Variants in CCDC81 observed in about 807,000 individuals in gnomAD.
The protein encoded by CCDC81 is coiled-coil domain containing 81.
Under a neutral mutation model 83.7 loss-of-function variants are expected in CCDC81, and 79 were observed. That is an observed-to-expected ratio of 0.94 (90% CI 0.79 to 1.14). CCDC81 has a LOEUF of 1.14. Ranked by LOEUF, CCDC81 falls within the 50% of genes most tolerant of loss-of-function variation. CCDC81 has a pLI of 0.00. For synonymous variants in CCDC81, 252 were observed against 278.1 expected, an observed-to-expected ratio of 0.91 and a Z score of 0.93; for missense variants, 791 against 778.1, an observed-to-expected ratio of 1.02 and a Z score of -0.20.
At chr11:86,388,607 T>C (rs1223892717) in intron 3 of CCDC81, among the ~76,000 whole-genome samples, 1 of 152,216 alleles carries the variant, frequency 6.6e-6, no homozygotes, top group Non-Finnish European at 1.5e-5. Flanking sequence ...AATGATATAT[T>C]AGAAAAACAA....
chr11:86,382,622 G>C (rs1948190836), intron 1 of CCDC81, among the ~76,000 whole-genome samples: 1 of 152,046 alleles, frequency 6.6e-6, no homozygotes, highest in Non-Finnish European at 1.5e-5. Flanking sequence ...AAGGAGTCTG[G>C]GTCTGTAAAT....
rs927542073 is a variant in CCDC81 at position 86,395,319 on chromosome 11, G to A, written c.556-15G>A. On this transcript the variant is annotated splice_polypyrimidine_tract_variant and intron_variant, in intron 4 of 14. Coordinates refer to ENST00000445632, the MANE Select transcript of CCDC81 (RefSeq NM_001156474.2). ...CTCAGCCTAGATGTAACCTTGCTCT[G>A]TTGCTGTCCTCTAGAGGCCTGGCAC... The A allele has an allele frequency of 6.2e-7, 1 of 1,612,538 alleles. No individual in the cohort carries two copies. The highest frequency in any genetic ancestry group is 1.7e-5 in the Admixed American group (1 of 59,938).
chr11:86,388,974 A>G (rs535812074), intron 3 of CCDC81, among the ~76,000 whole-genome samples: 1 of 152,302 alleles, frequency 6.6e-6, no homozygotes, highest in South Asian at 2.1e-4. Context: ...TGACTGAATT[A>G]GTTCAAAAGA....
At chr11:86,393,983 A>C (rs1022702331) in intron 4 of CCDC81, among the ~76,000 whole-genome samples, 31 of 152,192 alleles carry the variant, frequency 2.0e-4, no homozygotes, top group Non-Finnish European at 4.1e-4. Flanking sequence ...GGATTTAGGA[A>C]ATGAAGTTGT....
intron 10 of CCDC81, among the ~76,000 whole-genome samples, chr11:86,411,657 C>G (rs1473039459): frequency 6.6e-6 from 1 of 152,180 alleles, no homozygotes; most frequent in Non-Finnish European, 1.5e-5. Context: ...CTTCTTCCTT[C>G]CATCTGGATG....
At chr11:86,419,809 T>C in intron 13 of CCDC81, 119 bp from the exon 14 acceptor site, 1 of 1,020,560 alleles carries the variant, frequency 9.8e-7, no homozygotes, top group Non-Finnish European at 1.4e-6. Context: ...TTTAGTATAT[T>C]TCAGAGTAGT....
intron 3 of CCDC81, among the ~76,000 whole-genome samples, chr11:86,389,378 C>T (rs7115094): frequency 0.048 from 7,377 of 152,226 alleles, 437 homozygotes; most frequent in East Asian, 0.14. Context: ...AGTCTGTTCT[C>T]ACACTGTTAT....
intron 13 of CCDC81, 63 bp from the exon 14 acceptor site, chr11:86,419,865 G>C: frequency 6.6e-7 from 1 of 1,516,230 alleles, no homozygotes; most frequent in Non-Finnish European, 8.8e-7. Flanking sequence ...AAGGAATGGG[G>C]CTCCCAAATT....
At chr11:86,386,789 C>T (rs535158196) in intron 2 of CCDC81, among the ~76,000 whole-genome samples, 1 of 152,248 alleles carries the variant, frequency 6.6e-6, no homozygotes, top group South Asian at 2.1e-4. Context: ...TTTTTCCCTC[C>T]CTTTCATTGA....
chr11:86,395,617 T>A (rs1159085475), intron 5 of CCDC81, among the ~76,000 whole-genome samples: 2 of 152,224 alleles, frequency 1.3e-5, no homozygotes, highest in Non-Finnish European at 2.9e-5. Flanking sequence ...TGGACATTTA[T>A]TCTTTTTTAT....
At chr11:86,375,264 G>A (rs1419546736) in intron 1 of CCDC81, 22 bp downstream of exon 1, 1 of 1,593,556 alleles carries the variant, frequency 6.3e-7, no homozygotes, top group African/African-American at 1.3e-5. Context: ...GGGTAGCAGG[G>A]GGTGGCCCTG....
In CCDC81 at chr11:86,419,739, T is replaced by A. The variant is rs542660028; in HGVS notation, c.1692-189T>A. 7 of 464,658 alleles carry A rather than the reference T, an allele frequency of 1.5e-5. No homozygotes were observed. In the Admixed American group the frequency reaches 2.1e-4, roughly 14 times the overall value. The allele number at this position is 464,658 out of a possible 1,614,324, so 28.8% of individuals were successfully genotyped here. A position where few individuals can be genotyped will look rare whatever the true frequency, so the allele number is the denominator to read the frequency against. On this transcript the variant is annotated intron_variant, in intron 13 of 14. Transcript: ENST00000445632. ...AACCAGGATTGAAGATAAAAGACCT[T>A]TGATCCATAAATTATTTGAGAGCTA...
At chr11:86,419,867 T>A in intron 13 of CCDC81, 61 bp from the exon 14 acceptor site, 1 of 1,521,604 alleles carries the variant, frequency 6.6e-7, no homozygotes, top group Non-Finnish European at 8.8e-7. Flanking sequence ...GGAATGGGGC[T>A]CCCAAATTTG....
Position 86,402,265 on chromosome 11 carries a change from T to C in CCDC81, c.881+1464T>C, listed in dbSNP as rs78621115. On this transcript the variant is annotated intron_variant, in intron 7 of 14. Coordinates refer to ENST00000445632, the MANE Select transcript of CCDC81 (RefSeq NM_001156474.2). Reference sequence around the variant, plus strand: ...GTTATAAAAAATCACCCATAATCCCTCTACATAGAGGAAACTTTATATTAA... The same window carrying C: ...GTTATAAAAAATCACCCATAATCCCCCTACATAGAGGAAACTTTATATTAA... 0.017 allele frequency among the ~76,000 whole-genome samples: 2,551 copies of C among 152,088 alleles called. 183 individuals carry two copies. The East Asian group carries it at 0.17, about 10-fold the overall frequency.
At chr11:86,411,987 G>C (rs1948648647) in intron 10 of CCDC81, among the ~76,000 whole-genome samples, 1 of 152,138 alleles carries the variant, frequency 6.6e-6, no homozygotes, top group Admixed American at 6.5e-5. Flanking sequence ...CCCGAATTCT[G>C]GTTTTCCCAT....
Position 86,389,688 on chromosome 11 carries a change from A to G in CCDC81, c.298+2016A>G, listed in dbSNP as rs1948296349. 1.3e-5 allele frequency among the ~76,000 whole-genome samples: 2 copies of G among 152,220 alleles called. 1 individual carries two copies. ...CACCTCCCACCAGGCCCCTCCTCCA[A>G]TTAGACATGAGATTTGGGCAGGGAC... On this transcript the variant is annotated intron_variant, in intron 3 of 14. Transcript: ENST00000445632.
intron 6 of CCDC81, among the ~76,000 whole-genome samples, chr11:86,399,365 A>G (rs1490124714): frequency 6.6e-6 from 1 of 152,108 alleles, no homozygotes; most frequent in African/African-American, 2.4e-5. Flanking sequence ...TCTGTCACCC[A>G]GGGTGGAGTG....
chr11:86,394,709 A>C (rs1184384158), intron 4 of CCDC81, among the ~76,000 whole-genome samples: 1 of 152,236 alleles, frequency 6.6e-6, no homozygotes, highest in African/African-American at 2.4e-5. Context: ...GCATTCATGC[A>C]AAAATAATAA....
chr11:86,422,892 C>A lies in CCDC81; in HGVS notation c.*177C>A. 1 of 624,774 alleles carries A rather than the reference C, an allele frequency of 1.6e-6. No individual in the cohort carries two copies. Among genetic ancestry groups the A allele is most frequent in the Non-Finnish European group, 2.7e-6 (1 of 366,040 alleles). 38.7% of individuals were successfully genotyped at this position (624,774 alleles called of 1,614,324 possible). On this transcript the variant is annotated 3_prime_UTR_variant, in exon 15 of 15. Transcript: ENST00000445632. ...ATTCACTCCTGCTTTCCTCCCACCC[C>A]CAATTATTTCCTATACTAGTTTCTG...
Sources: gnomAD v4.1 joint callset for allele counts (sites outside exome capture counted in the v4.1 genomes callset) on GRCh38, gnomAD v4.1.1 for gene constraint, MANE v1.5 for transcripts, NCBI Gene and HGNC (gene_info 2026-07-23, HGNC 2026-07-21) for gene names.